The following CRPPA variants were observed in gnomAD, a reference collection of about 807,000 sequenced individuals.
CRPPA encodes D-ribitol-5-phosphate cytidylyltransferase.
A neutral mutation model predicts 52.0 loss-of-function variants in CRPPA; 43 were observed. The observed-to-expected ratio is 0.83, with a 90% CI of 0.65 to 1.07. The LOEUF (loss-of-function observed/expected upper bound fraction) is 1.07. Among genes scored for constraint, CRPPA ranks in the 50% least tolerant of loss-of-function variants. The pLI is 0.00. For synonymous variants in CRPPA, 250 were observed against 203.5 expected (o/e 1.23, Z -1.94); for missense variants, 629 against 551.7 (o/e 1.14, Z -1.40).
intron 9 of CRPPA, among the ~76,000 whole-genome samples, chr7:16,211,837 G>A (rs1355229595): frequency 1.3e-5 from 2 of 152,160 alleles, no homozygotes; most frequent in African/African-American, 4.8e-5. Flanking sequence ...TTTCTTGGAT[G>A]TCCTTTACAG....
chr7:16,270,445 C>G (rs550819785), intron 6 of CRPPA: 5 of 152,144 alleles, frequency 3.3e-5, no homozygotes, highest in Non-Finnish European at 7.4e-5. Flanking sequence ...CCATGACAAT[C>G]AGTTATTAAT....
intron 2 of CRPPA, among the ~76,000 whole-genome samples, chr7:16,383,946 C>A (rs891763284): frequency 2.0e-5 from 3 of 152,352 alleles, no homozygotes; most frequent in South Asian, 2.1e-4. Flanking sequence ...GCTTGCACTT[C>A]TCGAGTGAGG....
chr7:16,382,011 T>G (rs1787105446), intron 2 of CRPPA, among the ~76,000 whole-genome samples: 1 of 151,906 alleles, frequency 6.6e-6, no homozygotes, highest in South Asian at 2.1e-4. Flanking sequence ...AATATTGTTA[T>G]GTGTGAATTT....
chr7:16,329,292 T>C (rs572994617), intron 3 of CRPPA, among the ~76,000 whole-genome samples: 199 of 152,336 alleles, frequency 1.3e-3, no homozygotes, highest in African/African-American at 4.4e-3. Context: ...GCCTGACAAA[T>C]GGAAGTTACA....
chr7:16,167,647 G>A (rs994459786), intron 9 of CRPPA, among the ~76,000 whole-genome samples: 2 of 152,146 alleles, frequency 1.3e-5, no homozygotes, highest in Non-Finnish European at 2.9e-5. Flanking sequence ...AGGCACACAA[G>A]TCAATCTCTG....
chr7:16,149,351 C>T (rs1423578325), intron 9 of CRPPA, among the ~76,000 whole-genome samples: 1 of 152,154 alleles, frequency 6.6e-6, no homozygotes. Flanking sequence ...TTTATCCTGC[C>T]ACTGCATGGA....
intron 6 of CRPPA, among the ~76,000 whole-genome samples, chr7:16,272,378 T>C (rs1019380871): frequency 2.6e-5 from 4 of 152,196 alleles, no homozygotes; most frequent in African/African-American, 9.7e-5. Flanking sequence ...ACAATAAACA[T>C]ACCCAATCTT....
At chr7:16,121,386 A>C (rs1048866277) in intron 9 of CRPPA, among the ~76,000 whole-genome samples, 1 of 152,056 alleles carries the variant, frequency 6.6e-6, no homozygotes, top group African/African-American at 2.4e-5. Context: ...GCTTTCAGGA[A>C]TAACCCCTCC....
chr7:16,317,967 T>C (rs1425884958), intron 3 of CRPPA, among the ~76,000 whole-genome samples: 1 of 152,194 alleles, frequency 6.6e-6, no homozygotes, highest in Non-Finnish European at 1.5e-5. Flanking sequence ...ACCCTTGTCT[T>C]CACTTGAACA....
At chr7:16,279,713 AAGG>A (rs1784282415) in intron 5 of CRPPA, among the ~76,000 whole-genome samples, 1 of 152,166 alleles carries the variant, frequency 6.6e-6, no homozygotes, top group Non-Finnish European at 1.5e-5. Flanking sequence ...GAGTGGGAGA[AAGG>A]AGCTTTGCAA....
chr7:16,129,834 C>T (rs7786887), intron 9 of CRPPA, among the ~76,000 whole-genome samples: 3 of 152,068 alleles, frequency 2.0e-5, no homozygotes, highest in Non-Finnish European at 4.4e-5. Context: ...TTCCTCCCAC[C>T]TTTTCCTTTC....
chr7:16,166,111 G>A (rs1362396306), intron 9 of CRPPA, among the ~76,000 whole-genome samples: 1 of 152,168 alleles, frequency 6.6e-6, no homozygotes, highest in Non-Finnish European at 1.5e-5. Context: ...TCAAACCTGT[G>A]AGGGTTTTTT....
chr7:16,246,553 G>A (rs1783281088), intron 8 of CRPPA, among the ~76,000 whole-genome samples: 1 of 152,104 alleles, frequency 6.6e-6, no homozygotes, highest in Non-Finnish European at 1.5e-5. Context: ...CCTTACACAA[G>A]GTATTTCTTC....
intron 4 of CRPPA, among the ~76,000 whole-genome samples, chr7:16,307,351 G>A: frequency 6.6e-6 from 1 of 152,078 alleles, no homozygotes; most frequent in Non-Finnish European, 1.5e-5. Flanking sequence ...GTATGATAGT[G>A]CCATTATCTT....
chr7:16,260,944 T>C (rs59000665), intron 6 of CRPPA, among the ~76,000 whole-genome samples: 1,700 of 152,132 alleles, frequency 0.011, 37 homozygotes, highest in African/African-American at 0.039. Context: ...AAGAAAAATA[T>C]CTTGTGTCAA....
chr7:16,216,792 G>C (rs543119541), intron 8 of CRPPA, among the ~76,000 whole-genome samples: 2 of 152,258 alleles, frequency 1.3e-5, no homozygotes, highest in Admixed American at 1.3e-4. Context: ...AGGGTCCTAC[G>C]CCCACGGAGT....
At chr7:16,410,126 G>T (rs12537057) in intron 1 of CRPPA, among the ~76,000 whole-genome samples, 8,364 of 152,230 alleles carry the variant, frequency 0.055, 305 homozygotes, top group Non-Finnish European at 0.084. Context: ...TTTGTTTCTA[G>T]GTATTTGACC....
At chr7:16,405,441 G>A (rs17169469) in intron 2 of CRPPA, among the ~76,000 whole-genome samples, 16,353 of 151,922 alleles carry the variant, frequency 0.11, 1,102 homozygotes, top group East Asian at 0.25. Flanking sequence ...TAATACCATC[G>A]CTTGGCAATA....
At chr7:16,170,775 C>T (rs1583405797) in intron 9 of CRPPA, among the ~76,000 whole-genome samples, 1 of 152,288 alleles carries the variant, frequency 6.6e-6, no homozygotes, top group Non-Finnish European at 1.5e-5. Context: ...TACAGGTGGG[C>T]CAGCAGTGCT....
Sources: gnomAD v4.1 joint callset for allele counts (sites outside exome capture counted in the v4.1 genomes callset) on GRCh38, gnomAD v4.1.1 for gene constraint, MANE v1.5 for transcripts, NCBI Gene and HGNC (gene_info 2026-07-23, HGNC 2026-07-21) for gene names.